Variants in RALB observed in about 807,000 individuals in gnomAD.
The protein encoded by RALB is RAS like proto-oncogene B.
A neutral mutation model predicts 21.3 loss-of-function variants in RALB; 16 were observed. That is an observed-to-expected ratio of 0.75 (90% CI 0.51 to 1.14). RALB has a LOEUF of 1.14. Among genes scored for constraint, RALB ranks in the 50% most tolerant of loss-of-function variants. The pLI, the probability that RALB is intolerant of heterozygous loss-of-function variation, is 0.00. For missense variants in RALB, 161 were observed against 256.2 expected, an observed-to-expected ratio of 0.63 and a Z score of 2.54; for synonymous variants, 93 against 96.1, an observed-to-expected ratio of 0.97 and a Z score of 0.19.
intron 1 of RALB, chr2:120,253,255 TC>T: frequency 2.1e-6 from 1 of 479,118 alleles, no homozygotes; most frequent in African/African-American, 2.1e-5. Flanking sequence ...CGCGGTTCCT[TC>T]CCTATCCCGC....
intron 1 of RALB, chr2:120,240,253 C>A (rs1356693897): frequency 6.9e-6 from 5 of 726,760 alleles, no homozygotes; most frequent in African/African-American, 3.9e-5. Context: ...GGTCACACAG[C>A]ATGTACTCAT....
rs1690095573 is a variant in RALB at position 120,285,027 on chromosome 2, C to T, written c.115-847C>T. Among the ~76,000 whole-genome samples the T allele has an allele frequency of 2.0e-5, 3 of 152,164 alleles. No individual in the cohort carries two copies. The South Asian group carries it at 6.2e-4, about 32-fold the overall frequency. ...TTGGTACACTGTGTTAGTTCATTCT[C>T]TTGATGCTGTGAAGAAATACCCAAG... is the stretch of plus-strand genomic sequence containing the variant. On this transcript the variant is annotated intron_variant, in intron 2 of 4. Coordinates refer to ENST00000272519, the MANE Select transcript of RALB (RefSeq NM_002881.3).
chr2:120,254,284 G>A (rs1689140514), intron 1 of RALB, among the ~76,000 whole-genome samples: 1 of 152,192 alleles, frequency 6.6e-6, no homozygotes, highest in Non-Finnish European at 1.5e-5. Context: ...TAGGAGCGGG[G>A]GAGAAGAAGG....
chr2:120,240,136 G>A (rs1688867682), intron 1 of RALB: 11 of 1,289,540 alleles, frequency 8.5e-6, no homozygotes, highest in Non-Finnish European at 1.1e-5. Flanking sequence ...GTGGGTGCCC[G>A]CCCTCGGTGT....
At chr2:120,259,991 T>C (rs768838791) in intron 1 of RALB, among the ~76,000 whole-genome samples, 3 of 152,202 alleles carry the variant, frequency 2.0e-5, no homozygotes, top group Non-Finnish European at 2.9e-5. Flanking sequence ...GCCACTGGCC[T>C]GGCTGCTAAG....
chr2:120,284,371 A>G (rs1690072148), intron 2 of RALB, among the ~76,000 whole-genome samples: 1 of 151,540 alleles, frequency 6.6e-6, no homozygotes, highest in Non-Finnish European at 1.5e-5. Flanking sequence ...GATGTAATGC[A>G]CATATGAAAT....
chr2:120,249,535 C>T (rs910404200), upstream of RALB, among the ~76,000 whole-genome samples: 3 of 152,154 alleles, frequency 2.0e-5, no homozygotes, highest in African/African-American at 4.8e-5. Flanking sequence ...ATACTGAGAG[C>T]GGGGATAAGA....
intron 1 of RALB, among the ~76,000 whole-genome samples, chr2:120,259,176 G>A (rs539418347): frequency 1.6e-4 from 25 of 152,194 alleles, no homozygotes; most frequent in African/African-American, 5.3e-4. Context: ...TGCAAAGAGT[G>A]AAAGAACAAA....
chr2:120,255,271 G>A (rs977260834), intron 1 of RALB, among the ~76,000 whole-genome samples: 28 of 151,076 alleles, frequency 1.9e-4, no homozygotes, highest in African/African-American at 3.9e-4. Context: ...TTTTTTTTTC[G>A]TTTTGTTTTT....
chr2:120,260,740 G>T (rs1214854486), intron 1 of RALB, among the ~76,000 whole-genome samples: 1 of 152,282 alleles, frequency 6.6e-6, no homozygotes, highest in African/African-American at 2.4e-5. Flanking sequence ...CCTGCTGCGG[G>T]CCTTCCCTTT....
intron 1 of RALB, among the ~76,000 whole-genome samples, chr2:120,256,451 G>A (rs890977631): frequency 6.6e-6 from 1 of 152,088 alleles, no homozygotes; most frequent in Admixed American, 6.5e-5. Flanking sequence ...CGTTGTGGGA[G>A]GGACTCGGTG....
At chr2:120,268,036 C>T (rs1689546795) in intron 1 of RALB, among the ~76,000 whole-genome samples, 2 of 152,140 alleles carry the variant, frequency 1.3e-5, no homozygotes, top group African/African-American at 2.4e-5. Flanking sequence ...GTGATCTGCC[C>T]GCCTTAGCCT....
intron 1 of RALB, among the ~76,000 whole-genome samples, chr2:120,270,892 A>G (rs2104616257): frequency 6.6e-6 from 1 of 152,266 alleles, no homozygotes; most frequent in African/African-American, 2.4e-5. Context: ...AAATATTATG[A>G]TTATGGCCTA....
intron 1 of RALB, among the ~76,000 whole-genome samples, chr2:120,254,497 A>T (rs1318583354): frequency 1.3e-5 from 2 of 152,178 alleles, no homozygotes. Context: ...AGTGTAAGTT[A>T]TTAGATATCT....
intron 1 of RALB, among the ~76,000 whole-genome samples, chr2:120,277,547 TGTGA>T (rs1689840064): frequency 1.3e-5 from 2 of 152,098 alleles, no homozygotes; most frequent in South Asian, 2.1e-4. Context: ...TGTGTGTGTG[TGTGA>T]AAGCGTGAGT....
chr2:120,287,623 G>A (rs1690197544), intron 3 of RALB, among the ~76,000 whole-genome samples: 1 of 152,226 alleles, frequency 6.6e-6, no homozygotes, highest in African/African-American at 2.4e-5. Context: ...TCTCTGCAGA[G>A]GATATGGAGA....
At chr2:120,264,547 C>G (rs1689451180) in intron 1 of RALB, among the ~76,000 whole-genome samples, 1 of 76,834 alleles carries the variant, frequency 1.3e-5, no homozygotes, top group Admixed American at 1.1e-4. Context: ...GTTTGTTTTC[C>G]TGTCCCACAA....
At chr2:120,263,269 A>T (rs1233372601) in intron 1 of RALB, among the ~76,000 whole-genome samples, 1 of 151,980 alleles carries the variant, frequency 6.6e-6, no homozygotes, top group African/African-American at 2.4e-5. Context: ...CCCTGGGCTC[A>T]GTGGTCCTCC....
upstream of RALB, among the ~76,000 whole-genome samples, chr2:120,250,438 T>C (rs1197612253): frequency 6.6e-6 from 1 of 152,228 alleles, no homozygotes; most frequent in Non-Finnish European, 1.5e-5. Flanking sequence ...ATGTGTCATT[T>C]CTGCTCACAA....
Sources: allele counts gnomAD v4.1 joint callset (sites outside exome capture counted in the v4.1 genomes callset), GRCh38; gene constraint gnomAD v4.1.1; transcripts MANE v1.5; gene names NCBI Gene and HGNC (gene_info 2026-07-23, HGNC 2026-07-21).